The following DESI2 variants were observed in gnomAD, a reference collection of about 807,000 sequenced individuals.
DESI2 encodes the protein deubiquitinase DESI2.
A neutral mutation model predicts 24.1 loss-of-function variants in DESI2; 10 were observed. The observed-to-expected ratio is 0.41, with a 90% confidence interval of 0.26 to 0.70. The LOEUF is 0.70. Among genes scored for constraint, DESI2 ranks in the 30% least tolerant of loss-of-function variants. The probability of loss-of-function intolerance (pLI) is 0.29; values close to 1 mark genes in which losing one functional copy is unlikely to be tolerated. For synonymous variants in DESI2, 71 were observed against 87.7 expected (o/e 0.81, Z 1.06); for missense variants, 122 against 234.9 (o/e 0.52, Z 3.14).
chr1:244,659,191 G>C lies in DESI2; in HGVS notation c.42+5836G>C, dbSNP rs138124349. Among the ~76,000 whole-genome samples, 746 of 151,546 alleles carry C rather than the reference G, an allele frequency of 4.9e-3. 10 individuals carry two copies. Among genetic ancestry groups the C allele is most frequent in the South Asian group, 0.035 (166 of 4,780 alleles). On this transcript the variant is annotated intron_variant, in intron 1 of 4. Transcript: ENST00000302550. ...GGCATTGTCCTCTTTTCTTTTTTAG[G>C]GGGGAAGGGGGTGGGGGAAGCTAGT...
chr1:244,697,235 CG>C (rs1423218599), intron 4 of DESI2, among the ~76,000 whole-genome samples: 3 of 152,020 alleles, frequency 2.0e-5, no homozygotes, highest in Non-Finnish European at 2.9e-5. Flanking sequence ...TGGCAAGGCA[CG>C]GTGGCTCATG....
intron 4 of DESI2, among the ~76,000 whole-genome samples, chr1:244,704,489 A>G (rs1404571671): frequency 6.6e-6 from 1 of 152,168 alleles, no homozygotes; most frequent in Non-Finnish European, 1.5e-5. Context: ...AAGGACAGGA[A>G]GTGGGCAACT....
intron 1 of DESI2, among the ~76,000 whole-genome samples, chr1:244,660,261 G>A (rs140085345): frequency 1.3e-5 from 2 of 152,290 alleles, no homozygotes; most frequent in African/African-American, 4.8e-5. Context: ...CGCCTCCTGG[G>A]TTCAAGCAAT....
At chr1:244,686,250 CTGTGTGTGTGTGTGTA>C (rs933603736) in intron 1 of DESI2, among the ~76,000 whole-genome samples, 1 of 150,396 alleles carries the variant, frequency 6.6e-6, no homozygotes, top group Non-Finnish European at 1.5e-5. Flanking sequence ...AAAGCACACT[CTGTGTGTGTGTGTGTA>C]TGTGTGTGTG....
intron 4 of DESI2, among the ~76,000 whole-genome samples, chr1:244,694,942 GGGTGCTAAGT>G (rs1399877306): frequency 1.3e-5 from 2 of 152,164 alleles, no homozygotes; most frequent in Non-Finnish European, 2.9e-5. Flanking sequence ...CCTTCGAATT[GGGTGCTAAGT>G]GGCTTAAACA....
At chr1:244,664,433 CAG>C (rs987427039) in intron 1 of DESI2, among the ~76,000 whole-genome samples, 5 of 152,088 alleles carry the variant, frequency 3.3e-5, no homozygotes, top group Admixed American at 2.6e-4. Flanking sequence ...ATAGAAAAAA[CAG>C]AGAAAAGTTC....
At position 244,708,349 on chromosome 1, in the gene DESI2, G is replaced by GA. The variant is rs1320085973; in HGVS notation, c.*2563dup. On this transcript the variant is annotated 3_prime_UTR_variant, in exon 5 of 5. Transcript: ENST00000302550. The stretch of plus-strand genomic sequence containing the variant: ...CCTTACAAGGGGAGCATCAGCTTTG[G>GA]AAAGTGTGACTCTGTAGGAGTGTAG... 6.6e-6 allele frequency: 1 copy of GA among 152,634 alleles called. No individual in the cohort carries two copies. The highest frequency in any genetic ancestry group is 2.4e-5 in the African/African-American group (1 of 41,464). 9.5% of individuals were successfully genotyped at this position (152,634 alleles called of 1,614,324 possible).
intron 1 of DESI2, among the ~76,000 whole-genome samples, chr1:244,661,064 A>G (rs1056295228): frequency 9.2e-5 from 14 of 152,188 alleles, no homozygotes; most frequent in Non-Finnish European, 2.1e-4. Flanking sequence ...TACGTTTTTA[A>G]CTATACAATC....
At chr1:244,694,598 C>T in intron 4 of DESI2, 1 of 848,672 alleles carries the variant, frequency 1.2e-6, no homozygotes, top group Non-Finnish European at 2.1e-6. Flanking sequence ...TTCTCTTGCG[C>T]TTGGCGGGGT....
intron 3 of DESI2, 30 bp from the exon 4 acceptor site, chr1:244,691,849 T>C (rs1035422348): frequency 1.3e-6 from 2 of 1,525,730 alleles, no homozygotes; most frequent in Non-Finnish European, 1.8e-6. Flanking sequence ...CTTATTTTTC[T>C]TTCTCTTTTT....
intron 1 of DESI2, among the ~76,000 whole-genome samples, chr1:244,670,122 A>G (rs986947379): frequency 6.6e-6 from 1 of 151,878 alleles, no homozygotes; most frequent in African/African-American, 2.4e-5. Context: ...ACACCCAGCT[A>G]ATTTTTGTAT....
At chr1:244,700,173 A>G (rs1027430429) in intron 4 of DESI2, among the ~76,000 whole-genome samples, 1 of 152,196 alleles carries the variant, frequency 6.6e-6, no homozygotes, top group Non-Finnish European at 1.5e-5. Flanking sequence ...CCTACCTGTG[A>G]ATACAGCTAT....
intron 1 of DESI2, among the ~76,000 whole-genome samples, chr1:244,680,498 C>T: frequency 6.6e-6 from 1 of 151,806 alleles, no homozygotes; most frequent in East Asian, 1.9e-4. Context: ...CTGATTTTTC[C>T]TTATGGTTGT....
At chr1:244,673,546 C>T (rs1292640884) in intron 1 of DESI2, among the ~76,000 whole-genome samples, 1 of 152,134 alleles carries the variant, frequency 6.6e-6, no homozygotes, top group African/African-American at 2.4e-5. Flanking sequence ...AGGAATGCAG[C>T]CTGTAATTTA....
At chr1:244,690,824 A>G (rs997131807) in intron 3 of DESI2, among the ~76,000 whole-genome samples, 58 of 152,350 alleles carry the variant, frequency 3.8e-4, no homozygotes, top group African/African-American at 1.4e-3. Context: ...AGGTTCCAAC[A>G]TTAAACTTCA....
At chr1:244,681,421 G>A (rs1223789235) in intron 1 of DESI2, among the ~76,000 whole-genome samples, 2 of 151,778 alleles carry the variant, frequency 1.3e-5, no homozygotes, top group Non-Finnish European at 1.5e-5. Flanking sequence ...CTCTACTAGA[G>A]CATAGCAGTC....
At position 244,706,153 on chromosome 1, in the gene DESI2, G is replaced by A; in HGVS notation, c.*364G>A. 2 of 205,280 alleles carry A rather than the reference G, an allele frequency of 9.7e-6. No individual in the cohort carries two copies. The highest frequency in any genetic ancestry group is 8.2e-5 in the South Asian group (1 of 12,224). 12.7% of individuals were successfully genotyped at this position (205,280 alleles called of 1,614,324 possible). ...TCTTCATGTCTTCAAAAATTAGGCAGGTAATCTTTGTATACTTCTGACAAT... is the reference window on the plus strand; with the variant it reads ...TCTTCATGTCTTCAAAAATTAGGCAAGTAATCTTTGTATACTTCTGACAAT... On this transcript the variant is annotated 3_prime_UTR_variant, in exon 5 of 5. Coordinates refer to ENST00000302550, the MANE Select transcript of DESI2 (RefSeq NM_016076.5).
In DESI2 at chr1:244,705,656, C is replaced by T. The variant is rs775374082; in HGVS notation, c.452C>T (p.Thr151Met). 11 of 1,614,140 alleles carry T rather than the reference C, an allele frequency of 6.8e-6. No homozygotes were observed. The Admixed American group carries it at 8.3e-5, about 12-fold the overall frequency. Residue 151 changes from threonine (T) to methionine (M), a missense_variant, in exon 5 of 5, where the codon ACG becomes ATG. Physicochemically the swap from Thr to Met is moderately conservative, Grantham distance 81 (BLOSUM62 -1). Around this residue, in one of 6 missense-constraint regions of DESI2, gnomAD observed 56 missense variants for 67.9 expected, o/e 0.82. Coordinates refer to ENST00000302550, the MANE Select transcript of DESI2 (RefSeq NM_016076.5). ...AGTTGCCTCCCGAAGGAGTGGCTCA[C>T]GCCCGCAGCCCTGCAGTCTAGTGTC... is the stretch of plus-strand genomic sequence containing the variant. ...LQSCLPKEWL[T>M]PAALQSSVSQ...
chr1:244,697,178 G>A (rs551517760), intron 4 of DESI2, among the ~76,000 whole-genome samples: 1 of 152,056 alleles, frequency 6.6e-6, no homozygotes, highest in Non-Finnish European at 1.5e-5. Flanking sequence ...TCACCAAAAC[G>A]GGGCGGTTGT....
Sources: gnomAD v4.1 joint callset for allele counts (sites outside exome capture counted in the v4.1 genomes callset) on GRCh38, gnomAD v4.1.1 for gene constraint, gnomAD v4.1.1 regional missense constraint, MANE v1.5 for transcripts, NCBI Gene and HGNC (gene_info 2026-07-23, HGNC 2026-07-21) for gene names.